UTP20: variants seen among roughly 807,000 people sequenced by gnomAD.
The protein encoded by UTP20 is UTP20 small subunit processome component.
A neutral mutation model predicts 329.5 loss-of-function variants in UTP20; 164 were observed. That is an observed-to-expected ratio of 0.50 (90% CI 0.44 to 0.57). The LOEUF (loss-of-function observed/expected upper bound fraction) is 0.57, where lower values mean the gene tolerates loss of function less well. Ranked by LOEUF, UTP20 falls within the 20% of genes least tolerant of loss-of-function variation. UTP20 has a pLI of 0.00. For synonymous variants in UTP20, 1,151 were observed against 1,159.3 expected (o/e 0.99, Z 0.14); for missense variants, 3,055 against 3,284.2 (o/e 0.93, Z 1.71).
Position 101,356,939 on chromosome 12 carries a change from G to C in UTP20, c.5548G>C (p.Val1850Leu). 1 of 1,607,772 alleles carries C rather than the reference G, an allele frequency of 6.2e-7. No homozygotes were observed. Among genetic ancestry groups the C allele is most frequent in the Non-Finnish European group, 8.5e-7 (1 of 1,178,572 alleles). ...EANLPSILLK[V>L]CALLKNRAQE... ...CTCATTTTCTAGTATTTTGCTGAAAGTGTGTGCCCTACTCAAGAACAGAGC... is the reference window on the plus strand; with the variant it reads ...CTCATTTTCTAGTATTTTGCTGAAACTGTGTGCCCTACTCAAGAACAGAGC... Residue 1850 changes from valine to leucine, a missense_variant, in exon 43 of 62, where the codon GTG (valine) becomes CTG (leucine). Coordinates refer to ENST00000261637, the MANE Select transcript of UTP20 (RefSeq NM_014503.3).
chr12:101,386,089 G>A lies in UTP20; in HGVS notation c.8324G>A (p.Ser2775Asn). 1 of 1,607,512 alleles carries A rather than the reference G, an allele frequency of 6.2e-7. No individual in the cohort carries two copies. Among genetic ancestry groups the A allele is most frequent in the Non-Finnish European group, 8.5e-7 (1 of 1,178,852 alleles). Reference sequence around the variant, plus strand: ...GGATATAAGGCCAAGAGACAAAAAAGCCATAGCCTGAAAGATTTAGCAATG... The same window carrying A: ...GGATATAAGGCCAAGAGACAAAAAAACCATAGCCTGAAAGATTTAGCAATG... ...RPGYKAKRQK[S>N]HSLKDLAMVE The change falls in exon 62 of 62, where the codon AGC becomes AAC. Residue 2775 changes from serine to asparagine, a missense_variant. Physicochemically the swap from Ser to Asn is conservative, Grantham distance 46. This residue lies in a region of UTP20 where 337 missense variants were observed against 345.5 expected (regional missense o/e 0.98). Coordinates refer to ENST00000261637, the MANE Select transcript of UTP20 (RefSeq NM_014503.3).
intron 38 of UTP20, 44 bp downstream of exon 38, chr12:101,346,632 A>G (rs767909410): frequency 3.3e-6 from 5 of 1,516,626 alleles, no homozygotes; most frequent in East Asian, 2.3e-5. Context: ...TTCCCATACC[A>G]TGACACACTT....
intron 7 of UTP20, 80 bp from the exon 8 acceptor site, chr12:101,290,652 TG>T: frequency 6.9e-7 from 1 of 1,439,468 alleles, no homozygotes; most frequent in Non-Finnish European, 9.3e-7. Context: ...AGGTAGCTAA[TG>T]TAATCAGAGT....
At chr12:101,300,570 T>C (rs1160888570) in intron 14 of UTP20, among the ~76,000 whole-genome samples, 1 of 152,198 alleles carries the variant, frequency 6.6e-6, no homozygotes, top group East Asian at 1.9e-4. Context: ...AAGGCCTTTA[T>C]GACTCTTTAG....
chr12:101,291,566 T>C, intron 8 of UTP20, 176 bp from the exon 9 acceptor site: 1 of 352,026 alleles, frequency 2.8e-6, no homozygotes, highest in Non-Finnish European at 4.8e-6. Flanking sequence ...AAAAAAAGAC[T>C]TAGAACAATG....
chr12:101,322,628 C>T (rs1033066963), intron 25 of UTP20, among the ~76,000 whole-genome samples: 6 of 152,104 alleles, frequency 3.9e-5, no homozygotes, highest in Admixed American at 1.3e-4. Context: ...GTAGTTCTAT[C>T]AGATAGAGAA....
intron 26 of UTP20, 54 bp downstream of exon 26, chr12:101,327,301 A>C: frequency 3.8e-5 from 55 of 1,449,790 alleles, no homozygotes; most frequent in Non-Finnish European, 4.4e-5. Flanking sequence ...TGGACTTCTC[A>C]CATCTCAGGC....
intron 31 of UTP20, 64 bp downstream of exon 31, chr12:101,339,021 T>G (rs1305723168): frequency 6.7e-7 from 1 of 1,496,466 alleles, no homozygotes; most frequent in Non-Finnish European, 8.9e-7. Flanking sequence ...TTTTAAAAAA[T>G]TATTATCTTG....
At position 101,379,436 on chromosome 12, in the gene UTP20, G is replaced by T; in HGVS notation, c.7462G>T (p.Gly2488Ter). 1 of 1,613,768 alleles carries T rather than the reference G, an allele frequency of 6.2e-7. No individual in the cohort carries two copies. Among genetic ancestry groups the T allele is most frequent in the Non-Finnish European group, 8.5e-7 (1 of 1,179,842 alleles). ...WVWLTAAQIF[G>*]LLFASCQPEE... ...GTGGCTCACAGCAGCCCAGATTTTTGGATTACTCTTTGCCTCTTGCCAGCC... is the reference window on the plus strand; with the variant it reads ...GTGGCTCACAGCAGCCCAGATTTTTTGATTACTCTTTGCCTCTTGCCAGCC... Residue 2488 changes from glycine to a stop codon, truncating the protein, a stop_gained, in exon 57 of 62, where the codon GGA (glycine) becomes TGA (stop). Coordinates refer to ENST00000261637, the MANE Select transcript of UTP20 (RefSeq NM_014503.3). LOFTEE classifies it high-confidence loss of function.
Position 101,385,927 on chromosome 12 carries a change from T to C in UTP20, c.8203-41T>C, listed in dbSNP as rs1870811509. ...TATTTGATTCTTATTGGTTTAACATTTACTTTAAAAGTAATATAAAATTTC... is the reference window on the plus strand; with the variant it reads ...TATTTGATTCTTATTGGTTTAACATCTACTTTAAAAGTAATATAAAATTTC... On this transcript the variant is annotated intron_variant, in intron 61 of 61. Transcript: ENST00000261637. 5 of 1,493,664 alleles carry C rather than the reference T, an allele frequency of 3.3e-6. No homozygotes were observed. The African/African-American group carries it at 7.2e-5, about 21-fold the overall frequency. 92.5% of individuals were successfully genotyped at this position (1,493,664 alleles called of 1,614,324 possible).
chr12:101,370,158 A>C (rs1036135080), intron 49 of UTP20, among the ~76,000 whole-genome samples: 11 of 152,166 alleles, frequency 7.2e-5, no homozygotes, highest in African/African-American at 2.7e-4. Flanking sequence ...TAGAGGCTGC[A>C]GTGAGCTATG....
chr12:101,378,975 G>A (rs934095413), intron 56 of UTP20, among the ~76,000 whole-genome samples: 23 of 152,062 alleles, frequency 1.5e-4, no homozygotes, highest in African/African-American at 5.6e-4. Flanking sequence ...GCCTACTTAT[G>A]GGGTATCTAT....
At position 101,344,934 on chromosome 12, in the gene UTP20, C is replaced by CTTTTTTTTTT. The variant is rs11417670; in HGVS notation, c.4605+204_4605+213dup. 6.5e-4 allele frequency among the ~76,000 whole-genome samples: 40 copies of CTTTTTTTTTT among 61,562 alleles called. 2 individuals are homozygous for CTTTTTTTTTT. The highest frequency in any genetic ancestry group is 1.1e-3 in the Non-Finnish European group (36 of 31,966). The allele number at this position is 61,562 out of a possible 152,430, so 40.4% of individuals were successfully genotyped here. Reference sequence around the variant, plus strand: ...CTAGAAAGGAGAGCACTTTTTTTTGCTTTTTTTTTTTTTTTTTTTTTTTTT... The same window carrying CTTTTTTTTTT: ...CTAGAAAGGAGAGCACTTTTTTTTGCTTTTTTTTTTTTTTTTTTTTTTTTTTTTTTTTTTT... On this transcript the variant is annotated intron_variant, in intron 36 of 61. Coordinates refer to ENST00000261637, the MANE Select transcript of UTP20 (RefSeq NM_014503.3).
intron 4 of UTP20, among the ~76,000 whole-genome samples, 188 bp downstream of exon 4, chr12:101,286,069 A>G (rs576623213): frequency 2.6e-5 from 4 of 152,300 alleles, no homozygotes; most frequent in South Asian, 4.1e-4. Flanking sequence ...CGCATTTGTT[A>G]TATACTAAGA....
In UTP20 at chr12:101,299,770, C is replaced by T; in HGVS notation, c.1519C>T (p.Pro507Ser). The change falls in exon 13 of 62, where the codon CCC becomes TCC. Residue 507 changes from proline to serine, a missense_variant. Around this residue, in one of 3 missense-constraint regions of UTP20, gnomAD observed 2,445 missense variants for 2,575.5 expected, o/e 0.95. Transcript: ENST00000261637. ...LDHLLSIIKLPPNKDTTYLSQ... is the reference protein window; with the variant it reads ...LDHLLSIIKLSPNKDTTYLSQ... ...CCATCTTTTATCTATAATTAAGTTA[C>T]CCCCAAATAAAGATACTACTTACCT... is the stretch of plus-strand genomic sequence containing the variant. 1.2e-6 allele frequency: 2 copies of T among 1,613,170 alleles called. No individual in the cohort carries two copies. The highest frequency in any genetic ancestry group is 2.2e-5 in the South Asian group (2 of 90,764).
At chr12:101,293,795 A>T (rs146144136) in intron 11 of UTP20, among the ~76,000 whole-genome samples, 7 of 152,212 alleles carry the variant, frequency 4.6e-5, no homozygotes, top group South Asian at 4.2e-4. Flanking sequence ...CCTGTCCAAG[A>T]TCTGTTTCTT....
intron 39 of UTP20, among the ~76,000 whole-genome samples, 160 bp downstream of exon 39, chr12:101,352,354 A>ATTATGGATAATGCAC (rs1869557069): frequency 6.6e-6 from 1 of 152,158 alleles, no homozygotes; most frequent in Admixed American, 6.5e-5. Flanking sequence ...ATGCCACAAT[A>ATTATGGATAATGCAC]AACATACGTG....
rs570614154 is a variant in UTP20, at chr12:101,321,568, T to C, written c.2980T>C (p.Ser994Pro). Residue 994 changes from serine (S) to proline (P), a missense_variant, in exon 25 of 62, where the codon TCA (serine) becomes CCA (proline). By Grantham distance (74) the Ser-to-Pro change is moderately conservative. This residue lies in a region of UTP20 where 2,445 missense variants were observed against 2,575.5 expected (regional missense o/e 0.95). Coordinates refer to ENST00000261637, the MANE Select transcript of UTP20 (RefSeq NM_014503.3). Reference protein sequence around the residue: ...FKEEIVHFSISEDNAVVKTAH... With the variant: ...FKEEIVHFSIPEDNAVVKTAH... ...GGAAGAGATAGTGCATTTTAGCATT[T>C]CAGAAGATAATGCTGTAGTGAAAAC... is the stretch of plus-strand genomic sequence containing the variant. 1 of 1,613,750 alleles carries C rather than the reference T, an allele frequency of 6.2e-7. No individual in the cohort carries two copies. Among genetic ancestry groups the C allele is most frequent in the East Asian group, 2.2e-5 (1 of 44,792 alleles).
In UTP20 at chr12:101,386,039, GAGAA is replaced by G; in HGVS notation, c.8278_8281del (p.Lys2760Ter). Reference sequence around the variant, plus strand: ...ACAAAAATAAAAGTGAAGCAAAGAAGAGAAAGATAGAGTTCCTGCGTCCAGGATA... The same window carrying G: ...ACAAAAATAAAAGTGAAGCAAAGAAGAGATAGAGTTCCTGCGTCCAGGATA... On this transcript the variant is annotated frameshift_variant, in exon 62 of 62. Transcript: ENST00000261637. LOFTEE classifies it high-confidence loss of function. 1.2e-6 allele frequency: 2 copies of G among 1,610,272 alleles called. No homozygotes were observed. Among genetic ancestry groups the G allele is most frequent in the South Asian group, 1.1e-5 (1 of 90,148 alleles).
Sources: allele counts gnomAD v4.1 joint callset (sites outside exome capture counted in the v4.1 genomes callset), GRCh38; gene constraint gnomAD v4.1.1; regional missense constraint gnomAD v4.1.1; transcripts MANE v1.5; gene names NCBI Gene and HGNC (gene_info 2026-07-23, HGNC 2026-07-21).